The following IFI27 variants were observed in gnomAD, a reference collection of about 807,000 sequenced individuals.
IFI27 encodes interferon alpha inducible protein 27.
IFI27 carries 3 observed loss-of-function variants against 8.9 expected under a neutral mutation model. That is an observed-to-expected ratio of 0.34 (90% CI 0.15 to 0.87). The LOEUF (loss-of-function observed/expected upper bound fraction) is 0.87, where lower values mean the gene tolerates loss of function less well. IFI27 is among the 40% of genes least tolerant of loss of function. The pLI is 0.51. For synonymous variants in IFI27, 66 were observed against 67.3 expected (o/e 0.98, Z 0.09); for missense variants, 152 against 157.7 (o/e 0.96, Z 0.19).
At chr14:94,108,639 C>T (rs964845942), upstream of IFI27, among the ~76,000 whole-genome samples, 6 of 152,078 alleles carry the variant, frequency 3.9e-5, no homozygotes, top group Non-Finnish European at 7.3e-5. Context: ...GGGCCCTTCC[C>T]AGAGAGAAAG....
chr14:94,107,482 C>G (rs901957419), upstream of IFI27, among the ~76,000 whole-genome samples: 3 of 152,118 alleles, frequency 2.0e-5, 1 homozygote, highest in East Asian at 3.9e-4. Context: ...TGAATAATTT[C>G]CCCTATGTTT....
upstream of IFI27, among the ~76,000 whole-genome samples, chr14:94,109,311 AGAAAG>A (rs796221263): frequency 1.5e-4 from 22 of 143,174 alleles, no homozygotes; most frequent in African/African-American, 5.0e-4. Flanking sequence ...AAAAAAAAAA[AGAAAG>A]GAAAGGGAGG....
intron 3 of IFI27, chr14:94,115,227 G>C: frequency 1.6e-6 from 1 of 609,552 alleles, no homozygotes; most frequent in Non-Finnish European, 3.1e-6. Context: ...GCCCATTCAG[G>C]GTTATGGTCA....
upstream of IFI27, among the ~76,000 whole-genome samples, chr14:94,106,988 A>G (rs1275289689): frequency 6.6e-6 from 1 of 152,162 alleles, no homozygotes; most frequent in Non-Finnish European, 1.5e-5. Flanking sequence ...GAGGGGGCAA[A>G]TATTTAAACT....
chr14:94,110,057 C>G (rs1306501831), upstream of IFI27, among the ~76,000 whole-genome samples: 1 of 152,208 alleles, frequency 6.6e-6, no homozygotes, highest in Non-Finnish European at 1.5e-5. Context: ...CCTCTCTCCC[C>G]TGCCCACCTG....
chr14:94,106,222 A>G (rs946214744), upstream of IFI27, among the ~76,000 whole-genome samples: 1 of 152,198 alleles, frequency 6.6e-6, no homozygotes. Context: ...TCACCTCCCA[A>G]AAAGTTCCAT....
intron 3 of IFI27, 47 bp downstream of exon 3, chr14:94,114,927 G>A (rs1887333373): frequency 1.3e-6 from 2 of 1,575,058 alleles, no homozygotes; most frequent in African/African-American, 1.3e-5. Flanking sequence ...CCCCTAGGGA[G>A]GTGGACTTGG....
At chr14:94,114,958 T>C in intron 3 of IFI27, 78 bp downstream of exon 3, 4 of 1,344,548 alleles carry the variant, frequency 3.0e-6, no homozygotes, top group African/African-American at 1.4e-5. Context: ...GCCTTGTCCA[T>C]GCCAATGTTT....
upstream of IFI27, among the ~76,000 whole-genome samples, chr14:94,107,336 A>G (rs1486075415): frequency 4.6e-5 from 7 of 152,166 alleles, no homozygotes; most frequent in Admixed American, 4.6e-4. Context: ...TTCCCAAAGT[A>G]GTGGGATTAC....
chr14:94,115,697 C>T, intron 3 of IFI27, 84 bp from the exon 4 acceptor site: 1 of 1,400,686 alleles, frequency 7.1e-7, no homozygotes, highest in East Asian at 2.5e-5. Flanking sequence ...TCTCCAGATC[C>T]CCTGGGGTCC....
chr14:94,115,304 T>C (rs1343638327), intron 3 of IFI27: 2 of 525,506 alleles, frequency 3.8e-6, no homozygotes, highest in East Asian at 1.0e-4. Context: ...AGGGCTCAGC[T>C]CCCTTTGGTT....
rs1887406303 is a variant in IFI27 at position 94,116,274 on chromosome 14, C to T, written c.284-168C>T. 1.7e-5 allele frequency: 11 copies of T among 647,748 alleles called. 1 individual carries two copies. In the Admixed American group the frequency reaches 2.6e-4, roughly 15 times the overall value. The allele number at this position is 647,748 out of a possible 1,614,324, so 40.1% of individuals were successfully genotyped here. ...GGGGTTCATGCCTGCAGCAGCCTCT[C>T]CCCAAACAAAGACCCCGAGGGTACT... On this transcript the variant is annotated intron_variant, in intron 4 of 4. Coordinates refer to ENST00000621160, the Ensembl canonical transcript of IFI27. The surrounding 1 kb of genome is among the most constrained non-coding windows in gnomAD (Gnocchi z 4.3).
exon 4 of IFI27, chr14:94,115,825 T>C (rs751866100): frequency 1.9e-6 from 3 of 1,607,230 alleles, no homozygotes; most frequent in South Asian, 1.1e-5. Flanking sequence ...TGCCATGGGC[T>C]TCACTGCGGC....
upstream of IFI27, among the ~76,000 whole-genome samples, chr14:94,107,284 T>C (rs562448346): frequency 2.8e-4 from 42 of 152,332 alleles, no homozygotes; most frequent in Admixed American, 1.2e-3. Context: ...TCGGTCAGGC[T>C]GGTCTTGAAC....
chr14:94,116,659 G>A lies in IFI27; in HGVS notation c.*132G>A. 1 of 668,362 alleles carries A rather than the reference G, an allele frequency of 1.5e-6. No individual in the cohort carries two copies. Among genetic ancestry groups the A allele is most frequent in the South Asian group, 1.7e-5 (1 of 58,108 alleles). 41.4% of individuals were successfully genotyped at this position (668,362 alleles called of 1,614,324 possible). Reference sequence around the variant, plus strand: ...ATATACCAAATTCTGCATCTCCAGAGGAAAATAAGAAATAAAGATGAATTG... The same window carrying A: ...ATATACCAAATTCTGCATCTCCAGAAGAAAATAAGAAATAAAGATGAATTG... On this transcript the variant is annotated 3_prime_UTR_variant, in exon 5 of 5. Transcript: ENST00000621160. The surrounding 1 kb of genome is among the most constrained non-coding windows in gnomAD (Gnocchi z 4.3).
At chr14:94,107,923 G>A (rs1026431208), upstream of IFI27, among the ~76,000 whole-genome samples, 2 of 152,112 alleles carry the variant, frequency 1.3e-5, no homozygotes, top group African/African-American at 2.4e-5. Context: ...CATGTGCTAC[G>A]TTGGTTTGCT....
chr14:94,106,403 A>T (rs10873447), upstream of IFI27, among the ~76,000 whole-genome samples: 54,065 of 152,088 alleles, frequency 0.36, 10,651 homozygotes, highest in African/African-American at 0.51. Flanking sequence ...ACTGTTTTCC[A>T]TAGCAACTAC....
chr14:94,116,011 C>A lies in IFI27; in HGVS notation c.283+69C>A. ...GCAAGAGCCTCCAAGGACCCAGTCC[C>A]AATCTCAACCCTATGAACCTCAATC... On this transcript the variant is annotated intron_variant, in intron 4 of 4. Transcript: ENST00000621160. The surrounding 1 kb of genome is among the most constrained non-coding windows in gnomAD (Gnocchi z 4.3). The A allele has an allele frequency of 7.2e-7, 1 of 1,397,506 alleles. No homozygotes were observed. Among genetic ancestry groups the A allele is most frequent in the Non-Finnish European group, 9.9e-7 (1 of 1,012,284 alleles). The allele number at this position is 1,397,506 out of a possible 1,614,324, so 86.6% of individuals were successfully genotyped here.
intron 2 of IFI27, among the ~76,000 whole-genome samples, chr14:94,112,409 A>G (rs1378615237): frequency 6.6e-6 from 1 of 152,110 alleles, no homozygotes; most frequent in East Asian, 1.9e-4. Flanking sequence ...ATCCCATTCT[A>G]TTGCTTTTTT....
Sources: allele counts gnomAD v4.1 joint callset (sites outside exome capture counted in the v4.1 genomes callset), GRCh38; gene constraint gnomAD v4.1.1; non-coding constraint Gnocchi (gnomAD v3.1); transcripts MANE v1.5; gene names NCBI Gene and HGNC (gene_info 2026-07-23, HGNC 2026-07-21).